Variants in DST observed in about 807,000 individuals in gnomAD.
DST encodes bullous pemphigoid antigen.
DST carries 253 observed loss-of-function variants against 875.2 expected under a neutral mutation model. The observed-to-expected ratio is 0.29, with a 90% CI of 0.26 to 0.32. The LOEUF (loss-of-function observed/expected upper bound fraction) is 0.32, where lower values mean the gene tolerates loss of function less well. DST is among the 10% of genes least tolerant of loss of function. The probability of loss-of-function intolerance (pLI) is 1.00; values close to 1 mark genes in which losing one functional copy is unlikely to be tolerated. For missense variants in DST, 8,287 were observed against 9,111.6 expected (o/e 0.91, Z 3.68); for synonymous variants, 3,124 against 3,197.1 (o/e 0.98, Z 0.77).
chr6:56,787,856 A>T (rs1446245787), intron 4 of DST, among the ~76,000 whole-genome samples: 5 of 152,058 alleles, frequency 3.3e-5, no homozygotes, highest in South Asian at 2.1e-4. Flanking sequence ...TCAGACTTTG[A>T]GGCTGGGTGT....
At chr6:56,676,123 G>A (rs1248162013) in intron 9 of DST, among the ~76,000 whole-genome samples, 1 of 152,146 alleles carries the variant, frequency 6.6e-6, no homozygotes, top group Non-Finnish European at 1.5e-5. Flanking sequence ...CTGGAGTGCA[G>A]TGGGGCAATC....
chr6:56,902,444 G>A (rs994092788), intron 2 of DST, among the ~76,000 whole-genome samples: 9 of 152,328 alleles, frequency 5.9e-5, no homozygotes, highest in Admixed American at 2.6e-4. Context: ...TGAGGGAGCC[G>A]GAAGATGGGC....
intron 2 of DST, 86 bp downstream of exon 2, chr6:56,953,699 T>A: frequency 2.0e-6 from 2 of 995,064 alleles, no homozygotes; most frequent in Non-Finnish European, 2.8e-6. Context: ...AGTGTCCTAC[T>A]GGTTTCTTAA....
intron 5 of DST, among the ~76,000 whole-genome samples, chr6:56,719,834 A>C (rs1454119930): frequency 6.6e-6 from 1 of 152,198 alleles, no homozygotes; most frequent in East Asian, 1.9e-4. Flanking sequence ...AGGGACTTTC[A>C]AAAGGGGAAG....
intron 82 of DST, among the ~76,000 whole-genome samples, chr6:56,496,029 T>A (rs2095889674): frequency 1.3e-5 from 2 of 151,672 alleles, no homozygotes; most frequent in African/African-American, 4.8e-5. Context: ...CTGATCTATT[T>A]CTTTTGCCAA....
intron 2 of DST, among the ~76,000 whole-genome samples, chr6:56,906,898 C>A (rs1296432559): frequency 6.6e-6 from 1 of 152,188 alleles, no homozygotes; most frequent in African/African-American, 2.4e-5. Flanking sequence ...TGACAACCAT[C>A]CTAACAGATG....
chr6:56,705,439 C>T (rs2099329317), intron 5 of DST, among the ~76,000 whole-genome samples: 1 of 152,138 alleles, frequency 6.6e-6, no homozygotes, highest in Non-Finnish European at 1.5e-5. Flanking sequence ...TATATAACTA[C>T]ACAAACACAA....
intron 24 of DST, 97 bp from the exon 25 acceptor site, chr6:56,635,050 C>T: frequency 1.1e-6 from 1 of 938,780 alleles, no homozygotes; most frequent in South Asian, 1.5e-5. Context: ...GAAAAGTCTT[C>T]TCTCTGACTA....
Position 56,601,674 on chromosome 6 carries a change from A to AAGC in DST, c.11309_11310insGCT (p.Asn3770delinsLysLeu), listed in dbSNP as rs1586262438. 12 of 1,553,946 alleles carry AAGC rather than the reference A, an allele frequency of 7.7e-6. No homozygotes were observed. The East Asian group carries it at 2.8e-4, about 36-fold the overall frequency. On this transcript the variant is annotated protein_altering_variant and splice_region_variant, in exon 44 of 104. Transcript: ENST00000680361. ...TGGTATGTCCAAGGTCTTTTAATAC[A>AAGC]TTCTGTTAAAAAAGTAGTACAAGCT... is the stretch of plus-strand genomic sequence containing the variant.
intron 4 of DST, among the ~76,000 whole-genome samples, chr6:56,795,297 T>C (rs2099737799): frequency 6.6e-6 from 1 of 151,988 alleles, no homozygotes; most frequent in Middle Eastern, 3.4e-3. Context: ...AAGATCAAAC[T>C]GAGGAAATCA....
rs369272493 is a variant in DST, at chr6:56,506,719, A to G, written c.19310T>C (p.Ile6437Thr). The G allele has an allele frequency of 1.6e-5, 26 of 1,613,550 alleles. No homozygotes were observed. Among genetic ancestry groups the G allele is most frequent in the Non-Finnish European group, 8.5e-7 (1 of 1,179,686 alleles). ...TTTATCAGGCTCCCCACATGCCGCA[A>G]TGAGTTCAGAACCTAGGTTAATAAC... ...DIVINLGSEL[I>T]AACGEPDKPI... The change falls in exon 76 of 104, where the codon ATT (isoleucine) becomes ACT (threonine). Residue 6437 changes from isoleucine to threonine, a missense_variant. Transcript: ENST00000680361.
At position 56,851,521 on chromosome 6, in the gene DST, G is replaced by C. The variant is rs2127577979; in HGVS notation, c.501C>G (p.Gly167=). 1.2e-6 allele frequency: 2 copies of C among 1,614,048 alleles called. No individual in the cohort carries two copies. Among genetic ancestry groups the C allele is most frequent in the African/African-American group, 2.7e-5 (2 of 75,070 alleles). Reference sequence around the variant, plus strand: ...TGTCTCCCGGAGCTGGGGATGCGGAGCCAGATTTCTGGCTGAAATCATCCT... The same window carrying C: ...TGTCTCCCGGAGCTGGGGATGCGGACCCAGATTTCTGGCTGAAATCATCCT... The part of the protein sequence containing the change: ...SDEDDFSQKS[G]SASPAPGDTL... Residue 167 remains glycine (G), a synonymous_variant, in exon 4 of 104, where the codon GGC becomes GGG. Transcript: ENST00000680361.
chr6:56,836,643 G>A (rs1036979323), intron 4 of DST, among the ~76,000 whole-genome samples: 10 of 151,906 alleles, frequency 6.6e-5, no homozygotes, highest in Non-Finnish European at 1.3e-4. Context: ...GAGGTCAGGA[G>A]ATCGAGACCA....
At chr6:56,619,855 C>A (rs776426258) in intron 36 of DST, 44 of 1,613,964 alleles carry the variant, frequency 2.7e-5, no homozygotes, top group Non-Finnish European at 3.6e-5. Context: ...TTTTTTCAAG[C>A]TGGAGGGCAT....
chr6:56,515,773 C>A, intron 71 of DST, 105 bp from the exon 72 acceptor site: 3 of 763,478 alleles, frequency 3.9e-6, no homozygotes, highest in Non-Finnish European at 6.3e-6. Flanking sequence ...GGGCGTTTGA[C>A]AAATATATGT....
chr6:56,507,958 A>G (rs2096375672), intron 75 of DST, among the ~76,000 whole-genome samples: 1 of 152,176 alleles, frequency 6.6e-6, no homozygotes, highest in Non-Finnish European at 1.5e-5. Flanking sequence ...GCCAAAAAGA[A>G]AGAGAGAGAT....
chr6:56,806,422 A>G (rs1300481221), intron 4 of DST, among the ~76,000 whole-genome samples: 1 of 152,236 alleles, frequency 6.6e-6, no homozygotes, highest in Non-Finnish European at 1.5e-5. Context: ...CAATATTGGA[A>G]AATCAAAGGA....
intron 2 of DST, among the ~76,000 whole-genome samples, chr6:56,916,876 A>G (rs2127729898): frequency 6.7e-6 from 1 of 149,416 alleles, no homozygotes; most frequent in African/African-American, 2.5e-5. Context: ...AGTTCCAGGC[A>G]GGATTTCAAG....
At chr6:56,906,562 A>C (rs1406979263) in intron 2 of DST, among the ~76,000 whole-genome samples, 1 of 152,160 alleles carries the variant, frequency 6.6e-6, no homozygotes, top group African/African-American at 2.4e-5. Context: ...TCAGCCCTCC[A>C]GGCCCGCTAT....
Sources: gnomAD v4.1 joint callset for allele counts (sites outside exome capture counted in the v4.1 genomes callset) on GRCh38, gnomAD v4.1.1 for gene constraint, MANE v1.5 for transcripts, NCBI Gene and HGNC (gene_info 2026-07-23, HGNC 2026-07-21) for gene names.